The following SMAD3 variants were observed in gnomAD, a reference collection of about 807,000 sequenced individuals.
SMAD3 encodes MAD homolog 3.
In SMAD3, 12 loss-of-function variants were observed where a neutral mutation model predicts 51.8. The observed-to-expected ratio is 0.23, with a 90% CI of 0.15 to 0.38. The LOEUF (loss-of-function observed/expected upper bound fraction) is 0.38, where lower values mean the gene tolerates loss of function less well. SMAD3 is among the 10% of genes least tolerant of loss of function. The probability of loss-of-function intolerance (pLI) is 1.00; values close to 1 mark genes in which losing one functional copy is unlikely to be tolerated. For missense variants in SMAD3, 294 were observed against 565.6 expected, an observed-to-expected ratio of 0.52 and a Z score of 4.87; for synonymous variants, 238 against 227.7, an observed-to-expected ratio of 1.05 and a Z score of -0.41.
chr15:67,109,185 A>T (rs1241300422), intron 1 of SMAD3, among the ~76,000 whole-genome samples: 2 of 152,228 alleles, frequency 1.3e-5, no homozygotes, highest in African/African-American at 2.4e-5. Context: ...GAACATTCTC[A>T]TGGCTTGTTA....
chr15:67,076,112 A>G (rs1566959965), intron 1 of SMAD3, among the ~76,000 whole-genome samples: 1 of 152,148 alleles, frequency 6.6e-6, no homozygotes, highest in Non-Finnish European at 1.5e-5. Flanking sequence ...TCTCCTTTGG[A>G]GAGTCTCAGT....
intron 1 of SMAD3, chr15:67,138,102 T>C: frequency 6.5e-7 from 1 of 1,550,290 alleles, no homozygotes; most frequent in Admixed American, 2.0e-5. Context: ...GATGGGGAGG[T>C]AGGAGCCCCG....
In SMAD3 at chr15:67,125,412, TC is replaced by T. The variant is rs1961360955; in HGVS notation, c.207-39480del. ...GACATTTGCTTTCCACCTTCTCCAG[TC>T]CCAGTGAATGCATGGACCTCTGTCC... On this transcript the variant is annotated intron_variant, in intron 1 of 8. Transcript: ENST00000327367. Among the ~76,000 whole-genome samples the T allele has an allele frequency of 3.9e-5, 6 of 152,346 alleles. No individual in the cohort carries two copies. In the South Asian group the frequency reaches 1.2e-3, roughly 32 times the overall value.
intron 1 of SMAD3, among the ~76,000 whole-genome samples, chr15:67,163,974 T>C (rs1190967959): frequency 1.4e-5 from 2 of 142,912 alleles, no homozygotes; most frequent in African/African-American, 2.6e-5. Context: ...AAAAAATCCC[T>C]TTAATTTCCG....
chr15:67,126,094 G>GT (rs908113909), intron 1 of SMAD3: 17 of 480,484 alleles, frequency 3.5e-5, no homozygotes, highest in Non-Finnish European at 1.6e-5. Flanking sequence ...GAATTGCGTA[G>GT]TTTTTTTCTT....
At chr15:67,166,511 C>T in intron 3 of SMAD3, 1 of 550,628 alleles carries the variant, frequency 1.8e-6, no homozygotes, top group South Asian at 2.0e-5. Flanking sequence ...ATAAGTTAGC[C>T]TGGCAGAGGC....
At chr15:67,147,136 G>T (rs896071960) in intron 1 of SMAD3, among the ~76,000 whole-genome samples, 17 of 152,192 alleles carry the variant, frequency 1.1e-4, no homozygotes, top group Non-Finnish European at 1.5e-4. Flanking sequence ...CCCCAGTGAT[G>T]TGTGGTGTTC....
chr15:67,162,887 T>C (rs973849468), intron 1 of SMAD3, among the ~76,000 whole-genome samples: 1 of 152,088 alleles, frequency 6.6e-6, no homozygotes, highest in Non-Finnish European at 1.5e-5. Context: ...TCATACACTC[T>C]TGGGGTTCCT....
intron 1 of SMAD3, among the ~76,000 whole-genome samples, chr15:67,119,802 A>C (rs899225597): frequency 6.6e-6 from 1 of 151,852 alleles, no homozygotes; most frequent in Admixed American, 6.6e-5. Flanking sequence ...AAAGACTTTG[A>C]ATTTTTTTTT....
intron 5 of SMAD3, among the ~76,000 whole-genome samples, chr15:67,177,658 A>G (rs1787637114): frequency 6.6e-6 from 1 of 151,966 alleles, no homozygotes; most frequent in African/African-American, 2.4e-5. Context: ...CCTGACCTCA[A>G]GTGATCTGCC....
At position 67,179,587 on chromosome 15, in the gene SMAD3, C is replaced by T. The variant is rs1033793359; in HGVS notation, c.659-1654C>T. Reference sequence around the variant, plus strand: ...CTTCGCCATTCGTGATAGTGTTCTCCTTGCTCTTAGAAAGGATCATGCACC... The same window carrying T: ...CTTCGCCATTCGTGATAGTGTTCTCTTTGCTCTTAGAAAGGATCATGCACC... On this transcript the variant is annotated intron_variant, in intron 5 of 8. Transcript: ENST00000327367. 2.4e-4 allele frequency among the ~76,000 whole-genome samples: 36 copies of T among 152,262 alleles called. 1 individual carries two copies. Among genetic ancestry groups the T allele is most frequent in the Admixed American group, 1.8e-3 (27 of 15,296 alleles).
At chr15:67,084,809 G>T (rs1324926798) in intron 1 of SMAD3, among the ~76,000 whole-genome samples, 2 of 152,144 alleles carry the variant, frequency 1.3e-5, no homozygotes, top group Admixed American at 1.3e-4. Flanking sequence ...CATTCCAACC[G>T]TAGTGCCATA....
chr15:67,180,180 A>G (rs946848199), intron 5 of SMAD3, among the ~76,000 whole-genome samples: 4 of 152,140 alleles, frequency 2.6e-5, no homozygotes, highest in African/African-American at 9.7e-5. Flanking sequence ...AGGTTGGCCC[A>G]GGGCGCAGGG....
chr15:67,066,295 G>C lies in SMAD3; in HGVS notation c.141G>C (p.Gln47His). 1 of 1,613,742 alleles carries C rather than the reference G, an allele frequency of 6.2e-7. No individual in the cohort carries two copies. Among genetic ancestry groups the C allele is most frequent in the Non-Finnish European group, 8.5e-7 (1 of 1,179,860 alleles). Residue 47 changes from glutamine to histidine, a missense_variant, in exon 1 of 9, where the codon CAG becomes CAC. This residue lies in a region of SMAD3 where 147 missense variants were observed against 260.9 expected (regional missense o/e 0.56). Transcript: ENST00000327367. ...TCAAGAAACTCAAGAAGACGGGGCA[G>C]CTGGACGAGCTGGAGAAGGCCATCA... ...SLVKKLKKTGQLDELEKAITT... is the reference protein window; with the variant it reads ...SLVKKLKKTGHLDELEKAITT...
At chr15:67,123,221 C>T (rs35254564) in intron 1 of SMAD3, among the ~76,000 whole-genome samples, 10,804 of 149,590 alleles carry the variant, frequency 0.072, 398 homozygotes, top group East Asian at 0.094. Flanking sequence ...ATCAGCCAGG[C>T]GCAGTGGCTC....
intron 3 of SMAD3, among the ~76,000 whole-genome samples, chr15:67,165,777 G>A (rs540307782): frequency 1.3e-3 from 198 of 152,362 alleles, no homozygotes; most frequent in Middle Eastern, 3.4e-3. Flanking sequence ...CAAGTGCGGA[G>A]AGCTGGCTCT....
chr15:67,065,911 G>A lies in SMAD3; in HGVS notation c.-244G>A, dbSNP rs886051374. ...GCCTTCCCGACCCTGCACTGCTGCC[G>A]TCCGCCCGCCCGGCCGCTCTTCTCT... On this transcript the variant is annotated 5_prime_UTR_variant, in exon 1 of 9. Coordinates refer to ENST00000327367, the MANE Select transcript of SMAD3 (RefSeq NM_005902.4). 75 of 214,952 alleles carry A rather than the reference G, an allele frequency of 3.5e-4. No individual in the cohort carries two copies. In the East Asian group the frequency reaches 4.8e-3, roughly 14 times the overall value. 13.3% of individuals were successfully genotyped at this position (214,952 alleles called of 1,614,324 possible).
chr15:67,178,228 C>T (rs1184073429), intron 5 of SMAD3, among the ~76,000 whole-genome samples: 1 of 152,190 alleles, frequency 6.6e-6, no homozygotes, highest in Non-Finnish European at 1.5e-5. Context: ...CCACCCTTCC[C>T]CAGAGCATGG....
chr15:67,113,500 G>A (rs149895294), intron 1 of SMAD3, among the ~76,000 whole-genome samples: 89 of 152,280 alleles, frequency 5.8e-4, no homozygotes, highest in African/African-American at 2.0e-3. Flanking sequence ...AAGGAAATTA[G>A]GGGAGAAGAC....
Sources: allele counts gnomAD v4.1 joint callset (sites outside exome capture counted in the v4.1 genomes callset), GRCh38; gene constraint gnomAD v4.1.1; regional missense constraint gnomAD v4.1.1; transcripts MANE v1.5; gene names NCBI Gene and HGNC (gene_info 2026-07-23, HGNC 2026-07-21).